The following PDE1A variants were observed in gnomAD, a reference collection of about 807,000 sequenced individuals.
PDE1A encodes phosphodiesterase 1A, also known as dual specificity calcium/calmodulin-dependent 3',5'-cyclic nucleotide phosphodiesterase 1A.
A neutral mutation model predicts 61.7 loss-of-function variants in PDE1A; 35 were observed. The observed-to-expected ratio is 0.57, with a 90% confidence interval of 0.43 to 0.75. The LOEUF is 0.75. Ranked by LOEUF, PDE1A falls within the 30% of genes least tolerant of loss-of-function variation. The pLI, the probability that PDE1A is intolerant of heterozygous loss-of-function variation, is 0.00. For missense variants in PDE1A, 597 were observed against 630.6 expected, an observed-to-expected ratio of 0.95 and a Z score of 0.57; for synonymous variants, 232 against 213.2, an observed-to-expected ratio of 1.09 and a Z score of -0.77.
the PDE1A span, among the ~76,000 whole-genome samples, chr2:182,594,374 T>C: frequency 6.6e-6 from 1 of 152,246 alleles, no homozygotes; most frequent in East Asian, 1.9e-4. Flanking sequence ...TAAGCAATTG[T>C]TGAAGATCTG....
intron 2 of PDE1A, among the ~76,000 whole-genome samples, chr2:182,241,591 T>G (rs1690516166): frequency 6.6e-6 from 1 of 152,228 alleles, no homozygotes; most frequent in South Asian, 2.1e-4. Flanking sequence ...CATGTTCCTT[T>G]AAATGACCTC....
At chr2:182,377,158 G>A (rs147675682) in intron 1 of PDE1A, among the ~76,000 whole-genome samples, 3,095 of 152,202 alleles carry the variant, frequency 0.02, 105 homozygotes, top group African/African-American at 0.071. Flanking sequence ...ATCTCATGTC[G>A]AATTGTAATC....
intron 2 of PDE1A, among the ~76,000 whole-genome samples, chr2:182,475,195 C>T (rs1687275450): frequency 6.6e-6 from 1 of 152,016 alleles, no homozygotes. Flanking sequence ...CAATGGACTT[C>T]AGGAATGGGA....
At chr2:182,466,236 T>G (rs1469491298) in intron 2 of PDE1A, among the ~76,000 whole-genome samples, 1 of 152,084 alleles carries the variant, frequency 6.6e-6, no homozygotes. Flanking sequence ...TATTTAAAGA[T>G]ATTGAGTTTA....
chr2:182,521,982 C>A (rs1382923867), intron 2 of PDE1A, among the ~76,000 whole-genome samples: 1 of 152,030 alleles, frequency 6.6e-6, no homozygotes, highest in African/African-American at 2.4e-5. Flanking sequence ...TTCTTAGTTA[C>A]CTTTCTGCAT....
intron 12 of PDE1A, 141 bp from the exon 13 acceptor site, chr2:182,186,220 C>T (rs1685192067): frequency 2.3e-6 from 2 of 873,838 alleles, no homozygotes; most frequent in Non-Finnish European, 3.5e-6. Context: ...GGCAGCTGCT[C>T]ATCTCCTTTC....
chr2:182,509,468 AG>A (rs1263000564), intron 2 of PDE1A, among the ~76,000 whole-genome samples: 1 of 152,202 alleles, frequency 6.6e-6, no homozygotes, highest in Non-Finnish European at 1.5e-5. Flanking sequence ...CTGAAATGTC[AG>A]GTTTTATACT....
chr2:182,387,358 A>G (rs1701170763), intron 1 of PDE1A, among the ~76,000 whole-genome samples: 1 of 151,498 alleles, frequency 6.6e-6, no homozygotes, highest in South Asian at 2.1e-4. Context: ...TCCCTCCACT[A>G]TTGTCCTATG....
rs1342766691 is a variant in PDE1A at position 182,485,462 on chromosome 2, C to T, written c.101+36814G>A. On this transcript the variant is annotated intron_variant, in intron 2 of 14. Transcript: ENST00000410103. ...TGAAATAATCTGTACAACAAACCCC[C>T]GTGACACAAGTTTACCTATGTAACT... 2.6e-5 allele frequency among the ~76,000 whole-genome samples: 4 copies of T among 152,012 alleles called. No individual in the cohort carries two copies. The East Asian group carries it at 5.8e-4, about 22-fold the overall frequency.
At chr2:182,524,215 AAC>A (rs1169267166), upstream of PDE1A, among the ~76,000 whole-genome samples, 7 of 152,190 alleles carry the variant, frequency 4.6e-5, no homozygotes, top group Non-Finnish European at 1.5e-5. Context: ...TCTTTAATGA[AAC>A]AGTCAACAAA....
intron 1 of PDE1A, among the ~76,000 whole-genome samples, chr2:182,420,262 G>C (rs1005133300): frequency 1.3e-5 from 2 of 151,652 alleles, no homozygotes; most frequent in Admixed American, 6.6e-5. Flanking sequence ...ATATGTCTTT[G>C]GCATCTCTGT....
intron 7 of PDE1A, among the ~76,000 whole-genome samples, chr2:182,222,073 A>AC (rs1265603610): frequency 2.0e-5 from 3 of 151,996 alleles, no homozygotes; most frequent in Non-Finnish European, 4.4e-5. Flanking sequence ...AAATGAACTG[A>AC]CCACACAAGA....
the PDE1A span, among the ~76,000 whole-genome samples, chr2:182,565,673 T>C: frequency 6.6e-6 from 1 of 152,186 alleles, no homozygotes; most frequent in Admixed American, 6.5e-5. Context: ...GAGACTGTTC[T>C]TTTTTGGAAG....
chr2:182,528,713 A>G, the PDE1A span, among the ~76,000 whole-genome samples: 10,079 of 152,230 alleles, frequency 0.066, 359 homozygotes, highest in Middle Eastern at 0.1. Context: ...GCCAGGCCCA[A>G]GGCTCCCGTG....
the PDE1A span, among the ~76,000 whole-genome samples, chr2:182,569,843 T>G: frequency 6.6e-6 from 1 of 152,236 alleles, no homozygotes; most frequent in Non-Finnish European, 1.5e-5. Flanking sequence ...AAAACCTTCT[T>G]TCGATACTAC....
the PDE1A span, among the ~76,000 whole-genome samples, chr2:182,693,637 C>CTTTTTTTTTTTTTTTTTTTTTTTTTT: frequency 8.1e-6 from 1 of 123,428 alleles, no homozygotes; most frequent in Non-Finnish European, 1.7e-5. Context: ...TGATAGTGTT[C>CTTTTTTTTTTTTTTTTTTTTTTTTTT]TTTTTTTTTT....
chr2:182,643,498 T>C, the PDE1A span, among the ~76,000 whole-genome samples: 1 of 152,174 alleles, frequency 6.6e-6, no homozygotes, highest in African/African-American at 2.4e-5. Context: ...TGCCCAACCG[T>C]TATACATTGC....
the PDE1A span, among the ~76,000 whole-genome samples, chr2:182,678,249 C>G: frequency 1.2e-4 from 19 of 152,230 alleles, no homozygotes; most frequent in Admixed American, 7.9e-4. Context: ...ATGGCAAAAC[C>G]CTGTCTCTAC....
intron 4 of PDE1A, among the ~76,000 whole-genome samples, chr2:182,233,026 TGTTA>T (rs1342801456): frequency 6.6e-6 from 1 of 152,216 alleles, no homozygotes; most frequent in African/African-American, 2.4e-5. Flanking sequence ...TCTCTCAACC[TGTTA>T]GTTTATATCT....
Sources: allele counts gnomAD v4.1 joint callset (sites outside exome capture counted in the v4.1 genomes callset), GRCh38; gene constraint gnomAD v4.1.1; transcripts MANE v1.5; gene names NCBI Gene and HGNC (gene_info 2026-07-23, HGNC 2026-07-21).